VPS41: variants seen among roughly 807,000 people sequenced by gnomAD.
VPS41 encodes the protein VPS41 subunit of HOPS complex, also known as vacuolar protein sorting-associated protein 41 homolog.
Under a neutral mutation model 130.9 loss-of-function variants are expected in VPS41, and 85 were observed. The observed-to-expected ratio is 0.65, with a 90% CI of 0.55 to 0.78. The LOEUF is 0.78. Ranked by LOEUF, VPS41 falls within the 30% of genes least tolerant of loss-of-function variation. The pLI is 0.00. For missense variants in VPS41, 874 were observed against 1,018.7 expected, an observed-to-expected ratio of 0.86 and a Z score of 1.93; for synonymous variants, 335 against 332.9, an observed-to-expected ratio of 1.01 and a Z score of -0.07.
intron 9 of VPS41, among the ~76,000 whole-genome samples, chr7:38,793,353 C>T (rs1784567555): frequency 1.3e-5 from 2 of 152,142 alleles, no homozygotes. Flanking sequence ...GGTTGCTTCT[C>T]CCCAACAAGA....
chr7:38,771,302 A>C lies in VPS41; in HGVS notation c.1129-48T>G, dbSNP rs765525469. The C allele has an allele frequency of 2.2e-6, 3 of 1,365,060 alleles. No homozygotes were observed. In the Admixed American group the frequency reaches 5.7e-5, roughly 26 times the overall value. The allele number at this position is 1,365,060 out of a possible 1,614,324, so 84.6% of individuals were successfully genotyped here. On this transcript the variant is annotated intron_variant, in intron 13 of 28. Transcript: ENST00000310301. ...ATTTAAAAAAAAAAAAAAGCAGAAAAGGAGGGAGGGAAAATGGGAGAAGGT... is the reference window on the plus strand; with the variant it reads ...ATTTAAAAAAAAAAAAAAGCAGAAACGGAGGGAGGGAAAATGGGAGAAGGT...
intron 25 of VPS41, among the ~76,000 whole-genome samples, chr7:38,738,595 G>C (rs1014620574): frequency 5.9e-5 from 9 of 152,112 alleles, no homozygotes; most frequent in African/African-American, 2.2e-4. Context: ...AAAAACATTA[G>C]AAATTTGTAG....
At chr7:38,895,564 A>G (rs147832625) in intron 2 of VPS41, among the ~76,000 whole-genome samples, 200 of 152,272 alleles carry the variant, frequency 1.3e-3, no homozygotes, top group African/African-American at 4.5e-3. Flanking sequence ...AGACGTTACC[A>G]GGGAAGAAGG....
intron 14 of VPS41, among the ~76,000 whole-genome samples, chr7:38,769,925 C>T (rs1331270776): frequency 6.6e-6 from 1 of 152,158 alleles, no homozygotes; most frequent in Non-Finnish European, 1.5e-5. Flanking sequence ...GAGAAGCAAG[C>T]TCTTAATTAC....
At chr7:38,728,330 C>T (rs1795588843) in intron 27 of VPS41, 4 of 704,700 alleles carry the variant, frequency 5.7e-6, no homozygotes, top group South Asian at 1.5e-5. Flanking sequence ...TGCCAGGTGA[C>T]GATGACTCAC....
intron 2 of VPS41, among the ~76,000 whole-genome samples, chr7:38,872,688 G>A (rs970764474): frequency 1.3e-5 from 2 of 152,086 alleles, no homozygotes; most frequent in African/African-American, 4.8e-5. Context: ...CCCAACCCAA[G>A]GAGCTGTTAC....
At chr7:38,878,851 G>A (rs1330099778) in intron 2 of VPS41, among the ~76,000 whole-genome samples, 1 of 152,198 alleles carries the variant, frequency 6.6e-6, no homozygotes, top group East Asian at 1.9e-4. Context: ...AATGAAATAA[G>A]AGAAACATTC....
At chr7:38,847,782 T>C (rs1050979582) in intron 4 of VPS41, among the ~76,000 whole-genome samples, 17 of 152,318 alleles carry the variant, frequency 1.1e-4, no homozygotes, top group Admixed American at 1.1e-3. Context: ...TAAAGGTGTG[T>C]TCTTATTTTT....
At chr7:38,774,975 G>A (rs1270061312) in intron 11 of VPS41, among the ~76,000 whole-genome samples, 1 of 152,160 alleles carries the variant, frequency 6.6e-6, no homozygotes, top group Non-Finnish European at 1.5e-5. Flanking sequence ...GACATACGCA[G>A]GGAAAATGGA....
At chr7:38,880,621 C>G (rs964811665) in intron 2 of VPS41, among the ~76,000 whole-genome samples, 2 of 152,162 alleles carry the variant, frequency 1.3e-5, no homozygotes, top group Admixed American at 1.3e-4. Context: ...CGTATTTAAT[C>G]TACTCAGGTC....
intron 7 of VPS41, among the ~76,000 whole-genome samples, chr7:38,810,997 A>C (rs564609737): frequency 6.0e-4 from 92 of 152,228 alleles, no homozygotes; most frequent in Non-Finnish European, 1.2e-3. Context: ...CAAAGATATA[A>C]ACCTCTATAA....
intron 5 of VPS41, among the ~76,000 whole-genome samples, chr7:38,822,967 T>C (rs1785205939): frequency 6.6e-6 from 1 of 152,244 alleles, no homozygotes; most frequent in East Asian, 1.9e-4. Flanking sequence ...TTCACTGTCT[T>C]TCTAGTCTCT....
chr7:38,776,706 C>T lies in VPS41; in HGVS notation c.855G>A (p.Ser285=), dbSNP rs779395392. Residue 285 remains serine (S), a synonymous_variant, in exon 11 of 29, where the codon TCG becomes TCA. Coordinates refer to ENST00000310301, the MANE Select transcript of VPS41 (RefSeq NM_014396.4). ...APLCDQLVVL[S]YVKEISEKTE... ...TTTTTTCTGAAATCTCCTTTACATA[C>T]GAAAGTACAACAAGCTGATCACAGA... is the stretch of plus-strand genomic sequence containing the variant. 37 of 1,610,238 alleles carry T rather than the reference C, an allele frequency of 2.3e-5. No individual in the cohort carries two copies. Among genetic ancestry groups the T allele is most frequent in the East Asian group, 6.7e-5 (3 of 44,792 alleles).
intron 4 of VPS41, among the ~76,000 whole-genome samples, chr7:38,835,198 CTT>C (rs1785469416): frequency 6.6e-6 from 1 of 151,880 alleles, no homozygotes; most frequent in Admixed American, 6.5e-5. Flanking sequence ...GTACTAGCCT[CTT>C]TGCAGAAACT....
intron 27 of VPS41, 71 bp from the exon 28 acceptor site, chr7:38,727,059 T>TG (rs1333538589): frequency 1.5e-6 from 2 of 1,367,332 alleles, no homozygotes; most frequent in African/African-American, 3.0e-5. Context: ...CAATCCCGAC[T>TG]GAAAGTCGAG....
chr7:38,766,764 A>C (rs925730604), intron 15 of VPS41, among the ~76,000 whole-genome samples: 4 of 152,042 alleles, frequency 2.6e-5, no homozygotes, highest in Non-Finnish European at 4.4e-5. Flanking sequence ...TTCCCCCTTC[A>C]TTGGGCTCTT....
intron 4 of VPS41, among the ~76,000 whole-genome samples, chr7:38,833,678 T>C (rs1030337103): frequency 6.6e-6 from 1 of 152,206 alleles, no homozygotes; most frequent in Non-Finnish European, 1.5e-5. Context: ...CACTTGCCAC[T>C]ATCTTAGTGT....
rs1795484796 is a variant in VPS41 at position 38,723,781 on chromosome 7, A to G, written c.*2465T>C. On this transcript the variant is annotated 3_prime_UTR_variant, in exon 29 of 29. Coordinates refer to ENST00000310301, the MANE Select transcript of VPS41 (RefSeq NM_014396.4). ...TAGCTTATGAAGTGTGTACTTTGCAACTATGTTCTTCCCCAAAACGAGGGG... is the reference window on the plus strand; with the variant it reads ...TAGCTTATGAAGTGTGTACTTTGCAGCTATGTTCTTCCCCAAAACGAGGGG... The G allele has an allele frequency of 6.7e-6, 1 of 149,190 alleles. No homozygotes were observed. Among genetic ancestry groups the G allele is most frequent in the African/African-American group, 2.5e-5 (1 of 40,252 alleles). 9.2% of individuals were successfully genotyped at this position (149,190 alleles called of 1,614,324 possible).
chr7:38,882,225 T>C (rs1468282533), intron 2 of VPS41, among the ~76,000 whole-genome samples: 1 of 152,108 alleles, frequency 6.6e-6, no homozygotes, highest in African/African-American at 2.4e-5. Flanking sequence ...ATCTCATTCC[T>C]CCTCTCAGCA....
Sources: gnomAD v4.1 joint callset for allele counts (sites outside exome capture counted in the v4.1 genomes callset) on GRCh38, gnomAD v4.1.1 for gene constraint, MANE v1.5 for transcripts, NCBI Gene and HGNC (gene_info 2026-07-23, HGNC 2026-07-21) for gene names.